The following DGKI variants were observed in gnomAD, a reference collection of about 807,000 sequenced individuals.
DGKI encodes the protein DAG kinase iota.
A neutral mutation model predicts 147.5 loss-of-function variants in DGKI; 55 were observed. The observed-to-expected ratio is 0.37, with a 90% CI of 0.30 to 0.47. DGKI has a LOEUF of 0.47. Among genes scored for constraint, DGKI ranks in the 20% least tolerant of loss-of-function variants. DGKI has a pLI of 1.00. For synonymous variants in DGKI, 469 were observed against 477.1 expected (o/e 0.98, Z 0.22); for missense variants, 1,007 against 1,323.8 (o/e 0.76, Z 3.71).
intron 1 of DGKI, among the ~76,000 whole-genome samples, chr7:137,831,162 A>T (rs1798206258): frequency 6.6e-6 from 1 of 152,250 alleles, no homozygotes; most frequent in African/African-American, 2.4e-5. Flanking sequence ...GGCACTGAGG[A>T]CATTCACAAG....
At chr7:137,826,846 T>C (rs1184140182) in intron 1 of DGKI, among the ~76,000 whole-genome samples, 1 of 152,198 alleles carries the variant, frequency 6.6e-6, no homozygotes, top group Non-Finnish European at 1.5e-5. Flanking sequence ...GTTATTTTGC[T>C]AAAGTAATAA....
At chr7:137,573,452 C>G (rs1471198183) in intron 17 of DGKI, among the ~76,000 whole-genome samples, 1 of 152,138 alleles carries the variant, frequency 6.6e-6, no homozygotes, top group Non-Finnish European at 1.5e-5. Context: ...TCACCCAGGC[C>G]GAAGTGCAAT....
At chr7:137,739,717 G>A (rs917567275) in intron 1 of DGKI, among the ~76,000 whole-genome samples, 3 of 152,144 alleles carry the variant, frequency 2.0e-5, no homozygotes, top group African/African-American at 7.2e-5. Context: ...ACACGCATGT[G>A]TACACTAGAT....
At chr7:137,459,319 C>T (rs1043386547) in intron 27 of DGKI, among the ~76,000 whole-genome samples, 3 of 151,902 alleles carry the variant, frequency 2.0e-5, no homozygotes, top group African/African-American at 7.3e-5. Flanking sequence ...GAGAAAGGGC[C>T]GCTTGGCACA....
chr7:137,433,892 T>C (rs924760692), intron 28 of DGKI, among the ~76,000 whole-genome samples: 1 of 151,424 alleles, frequency 6.6e-6, no homozygotes. Flanking sequence ...CTGAGGCGGG[T>C]GGATCACATG....
chr7:137,644,266 G>C (rs992864887), intron 6 of DGKI, among the ~76,000 whole-genome samples: 3 of 152,130 alleles, frequency 2.0e-5, no homozygotes, highest in African/African-American at 7.2e-5. Context: ...CTTTCACCCT[G>C]TTTTGTTCAT....
intron 13 of DGKI, 148 bp from the exon 14 acceptor site, chr7:137,585,494 T>C: frequency 3.6e-6 from 3 of 839,930 alleles, no homozygotes; most frequent in Non-Finnish European, 5.4e-6. Flanking sequence ...TTGAGGTACT[T>C]AGAATTTGAG....
At chr7:137,510,412 C>A (rs140851725) in intron 21 of DGKI, among the ~76,000 whole-genome samples, 1 of 152,252 alleles carries the variant, frequency 6.6e-6, no homozygotes, top group South Asian at 2.1e-4. Flanking sequence ...AATGAATATT[C>A]GTAAAATTCT....
intron 28 of DGKI, among the ~76,000 whole-genome samples, chr7:137,441,991 G>C (rs948152979): frequency 6.6e-6 from 1 of 152,064 alleles, no homozygotes; most frequent in African/African-American, 2.4e-5. Context: ...TTGAGTGGTG[G>C]ATAGAAAATT....
chr7:137,445,087 A>G (rs2030970), intron 27 of DGKI, among the ~76,000 whole-genome samples: 50,432 of 152,038 alleles, frequency 0.33, 9,355 homozygotes, highest in East Asian at 0.63. Flanking sequence ...GCCAATTACT[A>G]TAACTAATAT....
At chr7:137,411,422 C>A (rs933532109) in intron 29 of DGKI, among the ~76,000 whole-genome samples, 3 of 152,122 alleles carry the variant, frequency 2.0e-5, no homozygotes, top group African/African-American at 4.8e-5. Context: ...ATTTTAGAGC[C>A]CCTTCCATGA....
intron 21 of DGKI, among the ~76,000 whole-genome samples, chr7:137,506,980 T>C (rs59388471): frequency 0.026 from 3,982 of 152,322 alleles, 78 homozygotes; most frequent in South Asian, 0.072. Context: ...TCTTACTTGA[T>C]GGCTGATAAG....
At chr7:137,394,741 G>C (rs1811485715) in intron 32 of DGKI, among the ~76,000 whole-genome samples, 1 of 152,162 alleles carries the variant, frequency 6.6e-6, no homozygotes, top group Admixed American at 6.5e-5. Flanking sequence ...CATAACTTTT[G>C]CTGTGGAGAA....
chr7:137,716,737 C>T (rs941485076), intron 1 of DGKI, among the ~76,000 whole-genome samples: 12 of 152,154 alleles, frequency 7.9e-5, no homozygotes, highest in African/African-American at 1.2e-4. Flanking sequence ...ACCTTCTGTC[C>T]GAATTCCCCA....
intron 24 of DGKI, 40 bp downstream of exon 24, chr7:137,469,510 C>T (rs1289729838): frequency 6.2e-7 from 1 of 1,606,648 alleles, no homozygotes; most frequent in Non-Finnish European, 8.5e-7. Flanking sequence ...TCTTCAACTT[C>T]CCCAACTCCC....
intron 15 of DGKI, among the ~76,000 whole-genome samples, chr7:137,580,104 A>G (rs1819136987): frequency 6.6e-6 from 1 of 152,140 alleles, no homozygotes; most frequent in African/African-American, 2.4e-5. Context: ...CATTGAGCTC[A>G]TTGAATGAGC....
intron 20 of DGKI, among the ~76,000 whole-genome samples, chr7:137,531,479 G>T (rs146417937): frequency 2.0e-5 from 3 of 152,204 alleles, no homozygotes; most frequent in African/African-American, 7.2e-5. Context: ...TTGGAGGGAG[G>T]ACCATTCATC....
intron 1 of DGKI, among the ~76,000 whole-genome samples, chr7:137,831,517 G>A (rs1310482858): frequency 6.6e-6 from 1 of 152,166 alleles, no homozygotes; most frequent in Non-Finnish European, 1.5e-5. Flanking sequence ...CATATCTCAT[G>A]AGACTTATTT....
intron 1 of DGKI, among the ~76,000 whole-genome samples, chr7:137,788,522 C>CT (rs1392712727): frequency 5.3e-5 from 8 of 152,062 alleles, no homozygotes; most frequent in African/African-American, 1.9e-4. Flanking sequence ...TTCTACCAAT[C>CT]ATCCATGTGT....
Sources: gnomAD v4.1 joint callset for allele counts (sites outside exome capture counted in the v4.1 genomes callset) on GRCh38, gnomAD v4.1.1 for gene constraint, MANE v1.5 for transcripts, NCBI Gene and HGNC (gene_info 2026-07-23, HGNC 2026-07-21) for gene names.